Variants in ERC2 observed in about 807,000 individuals in gnomAD.
ERC2 encodes ELKS/RAB6-interacting/CAST family member 2.
A neutral mutation model predicts 114.8 loss-of-function variants in ERC2; 42 were observed. The ratio of observed to expected loss-of-function variants is 0.37; its 90% CI spans 0.29 to 0.47. ERC2 has a LOEUF of 0.47. ERC2 is among the 20% of genes least tolerant of loss of function. ERC2 has a pLI of 0.99. For missense variants in ERC2, 939 were observed against 1,150.7 expected, an observed-to-expected ratio of 0.82 and a Z score of 2.66; for synonymous variants, 454 against 425.5, an observed-to-expected ratio of 1.07 and a Z score of -0.82.
chr3:56,339,047 T>C (rs1046307763), intron 2 of ERC2, among the ~76,000 whole-genome samples: 2 of 152,178 alleles, frequency 1.3e-5, no homozygotes, highest in Non-Finnish European at 2.9e-5. Context: ...CCACCTCTGA[T>C]GTCTTGATTT....
intron 16 of ERC2, among the ~76,000 whole-genome samples, chr3:55,688,029 T>C (rs879762419): frequency 1.3e-5 from 2 of 152,214 alleles, no homozygotes; most frequent in African/African-American, 2.4e-5. Flanking sequence ...GCTTAGTCCA[T>C]GGATGAATGT....
intron 3 of ERC2, among the ~76,000 whole-genome samples, chr3:56,285,904 C>G (rs2054666977): frequency 6.6e-6 from 1 of 152,152 alleles, no homozygotes; most frequent in South Asian, 2.1e-4. Context: ...GTGTTTTTAT[C>G]AGGTAAGGAA....
At chr3:55,858,369 A>T (rs557096384) in intron 14 of ERC2, among the ~76,000 whole-genome samples, 1 of 152,220 alleles carries the variant, frequency 6.6e-6, no homozygotes, top group African/African-American at 2.4e-5. Context: ...AAATGGATAT[A>T]TTAACTCTAA....
At chr3:56,437,809 A>C (rs946322004) in intron 1 of ERC2, among the ~76,000 whole-genome samples, 1 of 152,238 alleles carries the variant, frequency 6.6e-6, no homozygotes, top group Non-Finnish European at 1.5e-5. Context: ...ATAGTGGAAC[A>C]GGCAGTTACA....
At chr3:55,985,887 C>A in intron 12 of ERC2, 90 bp downstream of exon 12, 1 of 1,210,822 alleles carries the variant, frequency 8.3e-7, no homozygotes, top group Non-Finnish European at 1.2e-6. Context: ...CGAGGAAAAC[C>A]ATTTCAGAAA....
rs545970371 is a variant in ERC2 at position 55,683,627 on chromosome 3, G to A, written c.*39+167C>T. ...GGTGGGGAGGTGAGGTAGGATGGAG[G>A]GGGCTCTTGGGAAGGGTCAGGGCAC... On this transcript the variant is annotated intron_variant, in intron 17 of 17. Coordinates refer to ENST00000288221, the MANE Select transcript of ERC2 (RefSeq NM_015576.3). Among the ~76,000 whole-genome samples the A allele has an allele frequency of 5.9e-5, 9 of 152,214 alleles. No homozygotes were observed. In the South Asian group the frequency reaches 1.7e-3, roughly 28 times the overall value.
Position 56,256,607 on chromosome 3 carries a change from G to T in ERC2, c.1074+39412C>A, listed in dbSNP as rs139750058. The stretch of plus-strand genomic sequence containing the variant: ...TAACAGAAAGACTGGACCATGATAC[G>T]GTTTAGCTTTGTGTCCCCACACAAA... On this transcript the variant is annotated intron_variant, in intron 3 of 17. Transcript: ENST00000288221. Among the ~76,000 whole-genome samples the T allele has an allele frequency of 3.3e-3, 507 of 151,902 alleles. 4 individuals carry two copies. The highest frequency in any genetic ancestry group is 0.012 in the African/African-American group (490 of 41,404).
At chr3:56,416,581 G>A (rs989035646) in intron 2 of ERC2, among the ~76,000 whole-genome samples, 1 of 147,368 alleles carries the variant, frequency 6.8e-6, no homozygotes, top group Non-Finnish European at 1.5e-5. Flanking sequence ...CCACAAGAAC[G>A]CAAATTCCAC....
chr3:56,227,444 C>G (rs1380921678), intron 3 of ERC2, among the ~76,000 whole-genome samples: 3 of 149,220 alleles, frequency 2.0e-5, no homozygotes, highest in Non-Finnish European at 4.5e-5. Context: ...AAAAAAATCC[C>G]TTTAGCATGT....
At chr3:55,975,644 T>C (rs1233969361) in intron 12 of ERC2, among the ~76,000 whole-genome samples, 1 of 152,212 alleles carries the variant, frequency 6.6e-6, no homozygotes, top group Admixed American at 6.5e-5. Context: ...ACAGAGATGG[T>C]TCAGGATTAA....
intron 1 of ERC2, chr3:56,467,019 G>C (rs1010409745): frequency 2.6e-5 from 4 of 152,212 alleles, no homozygotes; most frequent in African/African-American, 4.8e-5. Flanking sequence ...TAATCAGGGG[G>C]GTGGTGGGTA....
At chr3:55,526,452 G>A (rs1178047004) in intron 17 of ERC2, among the ~76,000 whole-genome samples, 1 of 152,164 alleles carries the variant, frequency 6.6e-6, no homozygotes, top group African/African-American at 2.4e-5. Flanking sequence ...TGAGATCCAA[G>A]AAGCATCTCC....
At chr3:56,047,086 A>G (rs1446865250) in intron 7 of ERC2, among the ~76,000 whole-genome samples, 1 of 152,204 alleles carries the variant, frequency 6.6e-6, no homozygotes, top group East Asian at 1.9e-4. Flanking sequence ...AAACTTTCCT[A>G]GGAGGCTAGT....
At chr3:56,105,552 G>A (rs1422336848) in intron 6 of ERC2, among the ~76,000 whole-genome samples, 1 of 152,102 alleles carries the variant, frequency 6.6e-6, no homozygotes, top group African/African-American at 2.4e-5. Context: ...CTGGCCTCAA[G>A]CAATCCTCCC....
At chr3:56,243,400 A>C (rs1047204688) in intron 3 of ERC2, among the ~76,000 whole-genome samples, 3 of 152,192 alleles carry the variant, frequency 2.0e-5, no homozygotes, top group Non-Finnish European at 4.4e-5. Flanking sequence ...ACAAGGGAAA[A>C]AGATCCGCTG....
intron 2 of ERC2, among the ~76,000 whole-genome samples, chr3:56,359,907 T>C (rs911131080): frequency 1.3e-5 from 2 of 152,148 alleles, no homozygotes; most frequent in Non-Finnish European, 2.9e-5. Context: ...AAGCTATTCA[T>C]GACAGATTTG....
chr3:55,941,778 ATAACT>A (rs2066813415), intron 13 of ERC2, among the ~76,000 whole-genome samples: 2 of 152,222 alleles, frequency 1.3e-5, no homozygotes, highest in African/African-American at 4.8e-5. Flanking sequence ...AAAGATATAA[ATAACT>A]TAAACTAATT....
intron 17 of ERC2, among the ~76,000 whole-genome samples, chr3:55,557,485 AT>A: frequency 6.6e-6 from 1 of 152,214 alleles, no homozygotes; most frequent in East Asian, 1.9e-4. Flanking sequence ...TACAACAGAT[AT>A]CAGCCTGCAA....
chr3:55,532,932 C>G (rs1192954495), intron 17 of ERC2, among the ~76,000 whole-genome samples: 1 of 152,160 alleles, frequency 6.6e-6, no homozygotes, highest in South Asian at 2.1e-4. Flanking sequence ...GGGCTTTCAA[C>G]GGAACAGGAA....
Sources: allele counts gnomAD v4.1 joint callset (sites outside exome capture counted in the v4.1 genomes callset), GRCh38; gene constraint gnomAD v4.1.1; transcripts MANE v1.5; gene names NCBI Gene and HGNC (gene_info 2026-07-23, HGNC 2026-07-21).